Variants in SORCS1 observed in about 807,000 individuals in gnomAD.
The protein encoded by SORCS1 is VPS10 domain-containing receptor SorCS1.
SORCS1 carries 60 observed loss-of-function variants against 146.1 expected under a neutral mutation model. That is an observed-to-expected ratio of 0.41 (90% CI 0.33 to 0.51). The LOEUF (loss-of-function observed/expected upper bound fraction) is 0.51. SORCS1 is among the 20% of genes least tolerant of loss of function. The probability of loss-of-function intolerance (pLI) is 0.21; values close to 1 mark genes in which losing one functional copy is unlikely to be tolerated. For missense variants in SORCS1, 1,352 were observed against 1,487.6 expected (o/e 0.91, Z 1.50); for synonymous variants, 637 against 584.0 (o/e 1.09, Z -1.31).
At chr10:106,764,288 T>C (rs80070842) in intron 4 of SORCS1, among the ~76,000 whole-genome samples, 5,868 of 152,192 alleles carry the variant, frequency 0.039, 310 homozygotes, top group African/African-American at 0.11. Flanking sequence ...CCTGGTGTTA[T>C]ACCGACCAAA....
At chr10:106,814,783 T>C (rs191095318) in intron 3 of SORCS1, among the ~76,000 whole-genome samples, 4,253 of 151,626 alleles carry the variant, frequency 0.028, 186 homozygotes, top group African/African-American at 0.095. Flanking sequence ...GGCGTGGTGG[T>C]GGGCGCCTGT....
intron 25 of SORCS1, 72 bp from the exon 26 acceptor site, chr10:106,577,627 G>A: frequency 1.3e-6 from 2 of 1,591,156 alleles, no homozygotes; most frequent in Non-Finnish European, 1.7e-6. Context: ...ACTTTGCAAT[G>A]TGCTGCGATA....
chr10:106,856,750 C>T (rs970395446), intron 2 of SORCS1, among the ~76,000 whole-genome samples: 2 of 152,196 alleles, frequency 1.3e-5, no homozygotes, highest in Non-Finnish European at 2.9e-5. Flanking sequence ...GACATGTCCA[C>T]ACTGAGCCTC....
intron 1 of SORCS1, among the ~76,000 whole-genome samples, chr10:106,988,185 C>T (rs1312590602): frequency 1.3e-5 from 2 of 152,222 alleles, no homozygotes; most frequent in African/African-American, 4.8e-5. Flanking sequence ...CTTTGGACAG[C>T]ATCTTTATTC....
chr10:106,606,923 G>A (rs1179780942), intron 23 of SORCS1, among the ~76,000 whole-genome samples: 1 of 152,144 alleles, frequency 6.6e-6, no homozygotes, highest in Non-Finnish European at 1.5e-5. Flanking sequence ...GTTTCCTGAG[G>A]CCTCCCTAGC....
At chr10:106,766,173 C>T (rs1360619534) in intron 4 of SORCS1, among the ~76,000 whole-genome samples, 1 of 152,106 alleles carries the variant, frequency 6.6e-6, no homozygotes, top group African/African-American at 2.4e-5. Flanking sequence ...GGTTGCCTGC[C>T]CACTCCTCTT....
intron 1 of SORCS1, among the ~76,000 whole-genome samples, chr10:107,063,804 C>A (rs1232396780): frequency 6.6e-6 from 1 of 152,176 alleles, no homozygotes; most frequent in Admixed American, 6.5e-5. Flanking sequence ...AGTTACATAG[C>A]TGAATGAATT....
At chr10:106,663,168 T>C (rs945271342) in intron 17 of SORCS1, among the ~76,000 whole-genome samples, 2 of 152,174 alleles carry the variant, frequency 1.3e-5, no homozygotes, top group African/African-American at 4.8e-5. Context: ...GATAATATTA[T>C]AATAATACTT....
intron 1 of SORCS1, among the ~76,000 whole-genome samples, chr10:106,963,900 C>T (rs1273793418): frequency 1.3e-5 from 2 of 152,148 alleles, no homozygotes; most frequent in Non-Finnish European, 2.9e-5. Flanking sequence ...CAGACCCATA[C>T]ACAGGTACTC....
intron 21 of SORCS1, among the ~76,000 whole-genome samples, chr10:106,613,161 A>C (rs1050198505): frequency 1.4e-4 from 22 of 152,184 alleles, no homozygotes; most frequent in African/African-American, 5.1e-4. Context: ...GTTTCATTTA[A>C]TGGAATTTTA....
intron 2 of SORCS1, among the ~76,000 whole-genome samples, chr10:106,854,987 G>C (rs1481202508): frequency 1.3e-5 from 2 of 152,078 alleles, no homozygotes; most frequent in African/African-American, 4.8e-5. Context: ...ATAGACTTGA[G>C]TTTCTATCCT....
At chr10:106,962,332 T>C (rs1955264723) in intron 1 of SORCS1, among the ~76,000 whole-genome samples, 1 of 141,054 alleles carries the variant, frequency 7.1e-6, no homozygotes, top group Non-Finnish European at 1.5e-5. Flanking sequence ...GAGGTAGAGG[T>C]TGTGGTGAGC....
At chr10:107,116,305 C>T (rs1276340657) in intron 1 of SORCS1, among the ~76,000 whole-genome samples, 1 of 152,054 alleles carries the variant, frequency 6.6e-6, no homozygotes, top group African/African-American at 2.4e-5. Context: ...CAAGAGATAC[C>T]AGAATCTCCA....
chr10:106,763,221 T>C (rs113237108), intron 4 of SORCS1, among the ~76,000 whole-genome samples: 76 of 152,316 alleles, frequency 5.0e-4, no homozygotes, highest in African/African-American at 1.8e-3. Flanking sequence ...TGTGCTCCTA[T>C]GGCTATACCA....
chr10:107,038,438 C>T (rs1172219996), intron 1 of SORCS1, among the ~76,000 whole-genome samples: 5 of 151,376 alleles, frequency 3.3e-5, no homozygotes, highest in Non-Finnish European at 7.4e-5. Flanking sequence ...ATACCTAATG[C>T]TAAATGACGA....
At chr10:107,114,264 A>G (rs1965882050) in intron 1 of SORCS1, among the ~76,000 whole-genome samples, 1 of 152,202 alleles carries the variant, frequency 6.6e-6, no homozygotes, top group Admixed American at 6.5e-5. Context: ...ACATCTCCAA[A>G]CTAATTTTAT....
chr10:106,723,100 C>T (rs1027286642), intron 6 of SORCS1, among the ~76,000 whole-genome samples: 4 of 152,078 alleles, frequency 2.6e-5, no homozygotes, highest in African/African-American at 9.7e-5. Flanking sequence ...GCAGGAGGAT[C>T]GCTTGAGCCC....
rs530901491 is a variant in SORCS1 at position 106,743,242 on chromosome 10, G to A, written c.960-13128C>T. ...AGGAGAATGAGAAGGGCAAATGAAGGCATTGGAGACAGAATGAGGATAGAA... is the reference window on the plus strand; with the variant it reads ...AGGAGAATGAGAAGGGCAAATGAAGACATTGGAGACAGAATGAGGATAGAA... On this transcript the variant is annotated intron_variant, in intron 5 of 25. Transcript: ENST00000263054. Among the ~76,000 whole-genome samples the A allele has an allele frequency of 3.2e-4, 48 of 152,052 alleles. No individual in the cohort carries two copies. The South Asian group carries it at 9.6e-3, about 30-fold the overall frequency.
chr10:106,769,846 G>C (rs1341662368), intron 4 of SORCS1, among the ~76,000 whole-genome samples: 1 of 152,150 alleles, frequency 6.6e-6, no homozygotes, highest in African/African-American at 2.4e-5. Flanking sequence ...TGTAATCCCA[G>C]CACTTTCAGA....
Sources: gnomAD v4.1 joint callset for allele counts (sites outside exome capture counted in the v4.1 genomes callset) on GRCh38, gnomAD v4.1.1 for gene constraint, MANE v1.5 for transcripts, NCBI Gene and HGNC (gene_info 2026-07-23, HGNC 2026-07-21) for gene names.